The following ZNF180 variants were observed in gnomAD, a reference collection of about 807,000 sequenced individuals.
ZNF180 encodes the protein zinc finger protein 180 (HHZ168).
Under a neutral mutation model 11.8 loss-of-function variants are expected in ZNF180, and 11 were observed. That is an observed-to-expected ratio of 0.93 (90% CI 0.59 to 1.55). The LOEUF (loss-of-function observed/expected upper bound fraction) is 1.55. Among genes scored for constraint, ZNF180 ranks in the 40% most tolerant of loss-of-function variants. The probability of loss-of-function intolerance (pLI) is 0.00; values close to 1 mark genes in which losing one functional copy is unlikely to be tolerated. For synonymous variants in ZNF180, 287 were observed against 257.7 expected, an observed-to-expected ratio of 1.11 and a Z score of -1.09; for missense variants, 773 against 781.7, an observed-to-expected ratio of 0.99 and a Z score of 0.13.
chr19:44,499,225 G>C (rs1483117643), intron 1 of ZNF180, among the ~76,000 whole-genome samples: 2 of 152,208 alleles, frequency 1.3e-5, no homozygotes, highest in African/African-American at 4.8e-5. Context: ...AATGGGAACT[G>C]GGCCCTTTGT....
chr19:44,500,278 G>A lies in ZNF180; in HGVS notation c.-47C>T. ...GCTGCCCCACGCCCCTACCAACCTG[G>A]GCGTCCGCTGGCCCGCAGCCCAGGC... On this transcript the variant is annotated 5_prime_UTR_variant, in exon 1 of 5. Transcript: ENST00000592529. 1 of 1,612,240 alleles carries A rather than the reference G, an allele frequency of 6.2e-7. No homozygotes were observed.
chr19:44,477,100 C>T lies in ZNF180; in HGVS notation c.1300G>A (p.Gly434Arg), dbSNP rs773054668. 5.7e-5 allele frequency: 92 copies of T among 1,613,776 alleles called. No individual in the cohort carries two copies. In the Middle Eastern group the frequency reaches 9.9e-4, roughly 17 times the overall value. Residue 434 changes from glycine to arginine, a missense_variant, in exon 5 of 5, where the codon GGA becomes AGA. Gly to Arg is a moderately radical substitution (Grantham distance 125). Coordinates refer to ENST00000592529, the MANE Select transcript of ZNF180 (RefSeq NM_001278509.3). ...TGATTACATTCATAGGGCTTCTCTC[C>T]GGTATGTGTTCTTTGATGTGCAATA... ...KLIAHQRTHTGEKPYECNQCG... is the reference protein window; with the variant it reads ...KLIAHQRTHTREKPYECNQCG...
chr19:44,476,522 T>A lies in ZNF180; in HGVS notation c.1878A>T (p.Arg626Ser). The A allele has an allele frequency of 6.2e-7, 1 of 1,614,178 alleles. No individual in the cohort carries two copies. Among genetic ancestry groups the A allele is most frequent in the Non-Finnish European group, 8.5e-7 (1 of 1,180,020 alleles). Residue 626 changes from arginine (R) to serine (S), a missense_variant, in exon 5 of 5, where the codon AGA (arginine) becomes AGT (serine). Arg to Ser is a moderately radical substitution (Grantham distance 110). Coordinates refer to ENST00000592529, the MANE Select transcript of ZNF180 (RefSeq NM_001278509.3). Reference protein sequence around the residue: ...SLSARLIVHQRTHTGEKPFTC... With the variant: ...SLSARLIVHQSTHTGEKPFTC... ...TAAAGGGTTTCTCTCCAGTATGAGT[T>A]CTTTGATGCACAATAAGTCGAGCAC...
chr19:44,476,736 C>T lies in ZNF180; in HGVS notation c.1664G>A (p.Cys555Tyr). Residue 555 changes from cysteine to tyrosine, a missense_variant, in exon 5 of 5, where the codon TGT (cysteine) becomes TAT (tyrosine). Physicochemically the swap from Cys to Tyr is radical, Grantham distance 194. Coordinates refer to ENST00000592529, the MANE Select transcript of ZNF180 (RefSeq NM_001278509.3). The part of the protein sequence containing the change: ...TGEKPYECNQ[C>Y]GKSFSQSYVL... The stretch of plus-strand genomic sequence containing the variant: ...ATAACTCTGGCTGAAGGATTTCCCA[C>T]ACTGATTACATTCATACGGTTTTTC... 6.2e-7 allele frequency: 1 copy of T among 1,614,174 alleles called. No homozygotes were observed. Among genetic ancestry groups the T allele is most frequent in the Non-Finnish European group, 8.5e-7 (1 of 1,180,002 alleles).
chr19:44,488,177 CTTCTCTTTCCACGGT>C (rs1970291225), intron 2 of ZNF180, among the ~76,000 whole-genome samples: 1 of 71,794 alleles, frequency 1.4e-5, no homozygotes, highest in East Asian at 6.7e-4. Context: ...TCTCCCTCTC[CTTCTCTTTCCACGGT>C]CTCCCTCTCC....
chr19:44,484,645 G>T, intron 2 of ZNF180: 1 of 581,656 alleles, frequency 1.7e-6, no homozygotes. Context: ...AAGGCCCACA[G>T]ATACCTGGAC....
chr19:44,486,767 A>T (rs544049148), intron 2 of ZNF180, among the ~76,000 whole-genome samples: 1 of 152,178 alleles, frequency 6.6e-6, no homozygotes, highest in African/African-American at 2.4e-5. Context: ...TAGGCCGGGC[A>T]TGGTGGCTCA....
In ZNF180 at chr19:44,476,460, T is replaced by C; in HGVS notation, c.1940A>G (p.Tyr647Cys). Residue 647 changes from tyrosine (Y) to cysteine (C), a missense_variant, in exon 5 of 5, where the codon TAT becomes TGT. Tyr to Cys is a radical substitution (Grantham distance 194, BLOSUM62 -2). Transcript: ENST00000592529. ...IQCGKAFINS[Y>C]KLIRHQATHT... Reference sequence around the variant, plus strand: ...AGTTGCCTGATGCCTAATAAGTTTATAGCTATTAATGAAAGCTTTTCCACA... The same window carrying C: ...AGTTGCCTGATGCCTAATAAGTTTACAGCTATTAATGAAAGCTTTTCCACA... 1 of 1,613,826 alleles carries C rather than the reference T, an allele frequency of 6.2e-7. No individual in the cohort carries two copies. Among genetic ancestry groups the C allele is most frequent in the Non-Finnish European group, 8.5e-7 (1 of 1,179,832 alleles).
chr19:44,492,682 T>C (rs767962583), intron 2 of ZNF180, among the ~76,000 whole-genome samples: 2 of 152,170 alleles, frequency 1.3e-5, no homozygotes, highest in African/African-American at 4.8e-5. Flanking sequence ...TGACCAAATA[T>C]TCCTTTCCCA....
chr19:44,491,933 A>C (rs945277167), intron 2 of ZNF180, among the ~76,000 whole-genome samples: 1 of 152,128 alleles, frequency 6.6e-6, no homozygotes, highest in Non-Finnish European at 1.5e-5. Flanking sequence ...CCAATGCAGA[A>C]ATTAATGGTA....
In ZNF180 at chr19:44,482,665, T is replaced by C. The variant is rs1399685382; in HGVS notation, c.126+1696A>G. On this transcript the variant is annotated intron_variant, in intron 3 of 4. Coordinates refer to ENST00000592529, the MANE Select transcript of ZNF180 (RefSeq NM_001278509.3). ...ATATTGTCTATAGCATCCACTTGTA[T>C]AGTCAGCTGATGAGAATATAAAAAT... Among the ~76,000 whole-genome samples, 3 of 152,198 alleles carry C rather than the reference T, an allele frequency of 2.0e-5. No individual in the cohort carries two copies. The East Asian group carries it at 5.8e-4, about 29-fold the overall frequency.
At chr19:44,479,513 G>GT in intron 3 of ZNF180, 104 bp from the exon 4 acceptor site, 1 of 1,513,278 alleles carries the variant, frequency 6.6e-7, no homozygotes, top group Admixed American at 1.9e-5. Flanking sequence ...TGGTGACCTG[G>GT]GAGTTGTCCT....
chr19:44,487,652 G>A (rs1970263877), intron 2 of ZNF180, among the ~76,000 whole-genome samples: 1 of 152,158 alleles, frequency 6.6e-6, no homozygotes, highest in African/African-American at 2.4e-5. Context: ...ATAAAAATGG[G>A]CAACCAGAAG....
chr19:44,488,980 C>G (rs1486255859), intron 2 of ZNF180, among the ~76,000 whole-genome samples: 5 of 148,414 alleles, frequency 3.4e-5, no homozygotes, highest in African/African-American at 1.3e-4. Flanking sequence ...AGTGAGGAGC[C>G]CCTCCGCCCG....
Position 44,476,836 on chromosome 19 carries a change from A to G in ZNF180, c.1564T>C (p.Tyr522His). The change falls in exon 5 of 5, where the codon TAT becomes CAT. Residue 522 changes from tyrosine to histidine, a missense_variant. Physicochemically the swap from Tyr to His is moderately conservative, Grantham distance 83. Coordinates refer to ENST00000592529, the MANE Select transcript of ZNF180 (RefSeq NM_001278509.3). ...HQRTHTGEKP[Y>H]ECSECGKSFN... ...GATTTTCCACATTCACTACATTCAT[A>G]CGGTTTCTCTCCAGTGTGAGTTCTT... The G allele has an allele frequency of 6.2e-7, 1 of 1,614,160 alleles. No homozygotes were observed. The highest frequency in any genetic ancestry group is 8.5e-7 in the Non-Finnish European group (1 of 1,180,022).
intron 2 of ZNF180, among the ~76,000 whole-genome samples, chr19:44,491,577 CT>C (rs35598628): frequency 0.31 from 46,416 of 151,562 alleles, 7,838 homozygotes; most frequent in African/African-American, 0.44. Flanking sequence ...ATCATCTAAA[CT>C]TTTTTTTTAA....
intron 2 of ZNF180, among the ~76,000 whole-genome samples, chr19:44,494,438 G>T (rs2123499774): frequency 1.3e-5 from 2 of 152,342 alleles, no homozygotes; most frequent in Admixed American, 1.3e-4. Context: ...GCCAAGGTGG[G>T]AGGATGGCAT....
At chr19:44,478,337 A>T (rs1261236005) in intron 4 of ZNF180, among the ~76,000 whole-genome samples, 191 bp from the exon 5 acceptor site, 6 of 152,254 alleles carry the variant, frequency 3.9e-5, no homozygotes, top group African/African-American at 7.2e-5. Context: ...ATATTACAAC[A>T]GAGCATTAAA....
chr19:44,486,795 C>A (rs1458808425), intron 2 of ZNF180, among the ~76,000 whole-genome samples: 4 of 152,112 alleles, frequency 2.6e-5, no homozygotes, highest in Non-Finnish European at 5.9e-5. Context: ...AATTCTAGCA[C>A]TTTGGGAGGC....
Sources: gnomAD v4.1 joint callset for allele counts (sites outside exome capture counted in the v4.1 genomes callset) on GRCh38, gnomAD v4.1.1 for gene constraint, MANE v1.5 for transcripts, NCBI Gene and HGNC (gene_info 2026-07-23, HGNC 2026-07-21) for gene names.